SLAMF6: variants seen among roughly 807,000 people sequenced by gnomAD.
SLAMF6 encodes the protein NK-T-B-antigen.
A neutral mutation model predicts 38.3 loss-of-function variants in SLAMF6; 21 were observed. The ratio of observed to expected loss-of-function variants is 0.55; its 90% CI spans 0.39 to 0.79. The LOEUF is 0.79. SLAMF6 is among the 30% of genes least tolerant of loss of function. The probability of loss-of-function intolerance (pLI) is 0.00; values close to 1 mark genes in which losing one functional copy is unlikely to be tolerated. For synonymous variants in SLAMF6, 152 were observed against 146.3 expected, an observed-to-expected ratio of 1.04 and a Z score of -0.28; for missense variants, 341 against 385.3, an observed-to-expected ratio of 0.89 and a Z score of 0.96.
chr1:160,511,889 C>T (rs559059614), intron 1 of SLAMF6, among the ~76,000 whole-genome samples: 2 of 152,280 alleles, frequency 1.3e-5, no homozygotes, highest in South Asian at 4.1e-4. Flanking sequence ...CAACAGCCCA[C>T]CTGGAAGCTG....
At chr1:160,504,017 C>CAAAAA (rs10648306) in intron 1 of SLAMF6, among the ~76,000 whole-genome samples, 1,342 of 86,626 alleles carry the variant, frequency 0.015, 83 homozygotes, top group African/African-American at 0.067. Flanking sequence ...GACTCTATCT[C>CAAAAA]AAAAAAAAAA....
chr1:160,497,673 A>G (rs1398007874), intron 1 of SLAMF6, among the ~76,000 whole-genome samples: 1 of 151,872 alleles, frequency 6.6e-6, no homozygotes, highest in Non-Finnish European at 1.5e-5. Context: ...TATTAATCCC[A>G]TATTTATGTC....
chr1:160,490,529 C>A, intron 4 of SLAMF6, 46 bp downstream of exon 4: 1 of 1,599,106 alleles, frequency 6.3e-7, no homozygotes, highest in South Asian at 1.1e-5. Flanking sequence ...AACTCTCAAT[C>A]ACTGGAACCT....
At chr1:160,487,213 A>G in intron 6 of SLAMF6, 38 bp from the exon 7 acceptor site, 1 of 1,550,708 alleles carries the variant, frequency 6.4e-7, no homozygotes, top group Non-Finnish European at 8.9e-7. Flanking sequence ...TTACACAGAG[A>G]CAAAGAGATT....
chr1:160,511,085 T>G (rs1212161350), intron 1 of SLAMF6, among the ~76,000 whole-genome samples: 1 of 152,164 alleles, frequency 6.6e-6, no homozygotes, highest in Non-Finnish European at 1.5e-5. Context: ...AAAGAAAATC[T>G]AAATAAATGG....
chr1:160,505,686 A>C (rs1418769395), intron 1 of SLAMF6, among the ~76,000 whole-genome samples: 1 of 152,176 alleles, frequency 6.6e-6, no homozygotes, highest in Non-Finnish European at 1.5e-5. Flanking sequence ...TACAGGCATG[A>C]GCCACCCTGC....
intron 6 of SLAMF6, 121 bp downstream of exon 6, chr1:160,488,967 G>T (rs956799198): frequency 4.7e-6 from 4 of 858,478 alleles, no homozygotes; most frequent in South Asian, 1.5e-5. Flanking sequence ...AGCCCCTGTC[G>T]CTGTGGCTGT....
At position 160,485,896 on chromosome 1, in the gene SLAMF6, G is replaced by A. The variant is rs1370150414; in HGVS notation, c.*811C>T. ...TGGTGACAAAGACACTGGAGTCAGG[G>A]ATGACTTAGATTCTTGGCTCAAACA... On this transcript the variant is annotated 3_prime_UTR_variant, in exon 8 of 8. Coordinates refer to ENST00000368057, the MANE Select transcript of SLAMF6 (RefSeq NM_001184714.2). The A allele has an allele frequency of 6.6e-6, 1 of 152,580 alleles. No homozygotes were observed. The highest frequency in any genetic ancestry group is 6.5e-5 in the Admixed American group (1 of 15,274). 9.5% of individuals were successfully genotyped at this position (152,580 alleles called of 1,614,324 possible).
chr1:160,494,450 G>A (rs1653460118), intron 2 of SLAMF6, among the ~76,000 whole-genome samples: 1 of 152,100 alleles, frequency 6.6e-6, no homozygotes, highest in Non-Finnish European at 1.5e-5. Flanking sequence ...GGTCACCCAG[G>A]GTGATTCTGC....
chr1:160,505,892 A>G (rs1371400171), intron 1 of SLAMF6, among the ~76,000 whole-genome samples: 1 of 152,178 alleles, frequency 6.6e-6, no homozygotes, highest in Non-Finnish European at 1.5e-5. Flanking sequence ...GAGGCTTTCA[A>G]CAGAAGCTCT....
chr1:160,496,825 A>G (rs567699654), intron 1 of SLAMF6, among the ~76,000 whole-genome samples: 6 of 152,232 alleles, frequency 3.9e-5, no homozygotes, highest in Non-Finnish European at 8.8e-5. Flanking sequence ...TGTGTCCAAC[A>G]TAGTAGGCTT....
At chr1:160,498,679 G>C (rs1271008050) in intron 1 of SLAMF6, among the ~76,000 whole-genome samples, 1 of 152,092 alleles carries the variant, frequency 6.6e-6, no homozygotes, top group Non-Finnish European at 1.5e-5. Flanking sequence ...GATTTGGGTG[G>C]GGACACAATC....
intron 1 of SLAMF6, among the ~76,000 whole-genome samples, chr1:160,503,015 C>T (rs954045758): frequency 9.9e-5 from 15 of 152,020 alleles, no homozygotes; most frequent in African/African-American, 3.6e-4. Flanking sequence ...GTATTCAAAA[C>T]GGTGTCATTT....
intron 2 of SLAMF6, among the ~76,000 whole-genome samples, chr1:160,495,036 A>G (rs998156201): frequency 1.3e-5 from 2 of 152,190 alleles, no homozygotes; most frequent in Non-Finnish European, 2.9e-5. Context: ...TTCTTCAAGA[A>G]CATGATTTTG....
intron 1 of SLAMF6, among the ~76,000 whole-genome samples, chr1:160,498,524 C>T (rs1653716205): frequency 6.6e-6 from 1 of 152,086 alleles, no homozygotes. Context: ...AGGGGAACTC[C>T]CCTTTATAAA....
At chr1:160,490,175 G>T in intron 5 of SLAMF6, 23 bp downstream of exon 5, 1 of 1,613,046 alleles carries the variant, frequency 6.2e-7, no homozygotes, top group Non-Finnish European at 8.5e-7. Flanking sequence ...TTATGATGGA[G>T]AGTTAAGAGT....
intron 1 of SLAMF6, among the ~76,000 whole-genome samples, chr1:160,504,302 C>A (rs1425371798): frequency 1.3e-5 from 2 of 151,958 alleles, no homozygotes; most frequent in African/African-American, 4.8e-5. Flanking sequence ...GGTAACAGTG[C>A]AAGATAATGA....
intron 1 of SLAMF6, among the ~76,000 whole-genome samples, chr1:160,507,290 CA>C (rs1463361616): frequency 6.6e-6 from 1 of 151,334 alleles, no homozygotes; most frequent in Non-Finnish European, 1.5e-5. Context: ...TTAGTAGAGG[CA>C]AAAAAGGACA....
Position 160,491,301 on chromosome 1 carries a change from T to C in SLAMF6, c.470A>G (p.Asp157Gly). 6.2e-7 allele frequency: 1 copy of C among 1,614,052 alleles called. No individual in the cohort carries two copies. The highest frequency in any genetic ancestry group is 1.1e-5 in the South Asian group (1 of 91,082). ...CELHLTCSVE[D>G]ADDNVSFRWE... ...TCTGAATGAGACATTGTCATCTGCA[T>C]CCTCCACAGAGCAAGTCAGATGGAG... Residue 157 changes from aspartate to glycine, a missense_variant, in exon 3 of 8, where the codon GAT (aspartate) becomes GGT (glycine). Physicochemically the swap from Asp to Gly is moderately conservative, Grantham distance 94 (BLOSUM62 -1). Transcript: ENST00000368057.
Sources: allele counts gnomAD v4.1 joint callset (sites outside exome capture counted in the v4.1 genomes callset), GRCh38; gene constraint gnomAD v4.1.1; transcripts MANE v1.5; gene names NCBI Gene and HGNC (gene_info 2026-07-23, HGNC 2026-07-21).